TENM2: variants seen among roughly 807,000 people sequenced by gnomAD.
The protein encoded by TENM2 is teneurin-2.
In TENM2, 52 loss-of-function variants were observed where a neutral mutation model predicts 245.2. The observed-to-expected ratio is 0.21, with a 90% CI of 0.17 to 0.27. The LOEUF (loss-of-function observed/expected upper bound fraction) is 0.27. Among genes scored for constraint, TENM2 ranks in the 10% least tolerant of loss-of-function variants. TENM2 has a pLI of 1.00. For synonymous variants in TENM2, 1,363 were observed against 1,438.9 expected, an observed-to-expected ratio of 0.95 and a Z score of 1.19; for missense variants, 3,046 against 3,666.8, an observed-to-expected ratio of 0.83 and a Z score of 4.37.
chr5:167,230,709 C>A, the TENM2 span, among the ~76,000 whole-genome samples: 2 of 151,930 alleles, frequency 1.3e-5, no homozygotes, highest in African/African-American at 2.4e-5. Flanking sequence ...AATGTTGATA[C>A]AAAGCCAGGA....
intron 2 of TENM2, among the ~76,000 whole-genome samples, chr5:167,429,719 G>C (rs1031975425): frequency 4.1e-4 from 61 of 148,932 alleles, no homozygotes; most frequent in African/African-American, 1.4e-3. Flanking sequence ...CGATTCTCCT[G>C]CCTCAGCCTC....
intron 2 of TENM2, among the ~76,000 whole-genome samples, chr5:167,830,531 C>T (rs1006766429): frequency 6.6e-6 from 1 of 152,130 alleles, no homozygotes; most frequent in African/African-American, 2.4e-5. Flanking sequence ...TGAAGTGAAT[C>T]AGAGACAGCC....
chr5:167,223,570 G>C, the TENM2 span, among the ~76,000 whole-genome samples: 20 of 151,870 alleles, frequency 1.3e-4, no homozygotes, highest in Non-Finnish European at 1.8e-4. Flanking sequence ...TATGTGCCAG[G>C]TTTTCTTTAC....
In TENM2 at chr5:167,358,028, T is replaced by A. The variant is rs114225552; in HGVS notation, c.227-17170T>A. Among the ~76,000 whole-genome samples, 634 of 152,368 alleles carry A rather than the reference T, an allele frequency of 4.2e-3. 3 individuals carry two copies. The highest frequency in any genetic ancestry group is 0.014 in the African/African-American group (565 of 41,596). On this transcript the variant is annotated intron_variant, in intron 1 of 28. Transcript: ENST00000518659. The stretch of plus-strand genomic sequence containing the variant: ...ACGGTCCCACTGGTCTATTAGAGGT[T>A]GCTCCAGGAATTCTACCTGCCTGTC...
intron 1 of TENM2, among the ~76,000 whole-genome samples, chr5:167,350,699 T>TATATGGATATATATATGGGATATATAC (rs1758806703): frequency 1.4e-5 from 2 of 141,522 alleles, no homozygotes; most frequent in African/African-American, 5.5e-5. Flanking sequence ...ATGGGATACA[T>TATATGGATATATATATGGGATATATAC]ATATGGATAT....
intron 2 of TENM2, among the ~76,000 whole-genome samples, chr5:167,606,434 C>T (rs1163921017): frequency 2.0e-5 from 3 of 152,054 alleles, no homozygotes; most frequent in African/African-American, 7.2e-5. Flanking sequence ...GAAGAGGCAA[C>T]TCTTTCTGGT....
At chr5:167,284,616 T>C (rs1251631265), upstream of TENM2, among the ~76,000 whole-genome samples, 8 of 152,230 alleles carry the variant, frequency 5.3e-5, no homozygotes, top group East Asian at 1.5e-3. Context: ...GCTGATTGTT[T>C]AGTTAACATT....
chr5:167,291,934 G>T (rs771743895), intron 1 of TENM2, among the ~76,000 whole-genome samples: 2 of 152,130 alleles, frequency 1.3e-5, no homozygotes, highest in Non-Finnish European at 2.9e-5. Flanking sequence ...GAGGTTTAAT[G>T]GACTTACAGT....
chr5:167,800,552 A>T (rs1412374720), intron 2 of TENM2, among the ~76,000 whole-genome samples: 2 of 152,174 alleles, frequency 1.3e-5, no homozygotes, highest in Non-Finnish European at 2.9e-5. Context: ...TCAGCAGTTA[A>T]CAAGCAGAGC....
chr5:167,833,874 C>A, intron 2 of TENM2, among the ~76,000 whole-genome samples: 1 of 152,334 alleles, frequency 6.6e-6, no homozygotes, highest in South Asian at 2.1e-4. Context: ...GACCTCATTG[C>A]TCTCATTTCC....
At chr5:167,339,080 AC>A (rs1757946535) in intron 1 of TENM2, among the ~76,000 whole-genome samples, 1 of 152,204 alleles carries the variant, frequency 6.6e-6, no homozygotes, top group South Asian at 2.1e-4. Context: ...CATAAAAAAT[AC>A]ATTCATTGTA....
chr5:167,598,756 T>C (rs1299844144), intron 2 of TENM2, among the ~76,000 whole-genome samples: 1 of 152,168 alleles, frequency 6.6e-6, no homozygotes, highest in Admixed American at 6.5e-5. Context: ...TTTTGTTTTT[T>C]TTTTAATGTC....
chr5:167,368,432 T>C (rs886705960), intron 1 of TENM2, among the ~76,000 whole-genome samples: 9 of 152,164 alleles, frequency 5.9e-5, no homozygotes, highest in African/African-American at 1.9e-4. Context: ...TCATTTTTTT[T>C]CCAAAAAATA....
chr5:167,160,282 G>T, the TENM2 span, among the ~76,000 whole-genome samples: 1 of 152,204 alleles, frequency 6.6e-6, no homozygotes. Context: ...TTAAAGTCCA[G>T]ACTCCTTTGC....
At chr5:167,151,900 A>G in the TENM2 span, among the ~76,000 whole-genome samples, 1 of 151,792 alleles carries the variant, frequency 6.6e-6, no homozygotes, top group African/African-American at 2.4e-5. Flanking sequence ...ATCCCTGTTG[A>G]CTCTCTTCAC....
intron 27 of TENM2, among the ~76,000 whole-genome samples, chr5:168,251,724 G>A (rs1241879651): frequency 6.6e-6 from 1 of 152,236 alleles, no homozygotes; most frequent in Non-Finnish European, 1.5e-5. Flanking sequence ...GTAGTCGGGA[G>A]GAACACAAAG....
the TENM2 span, among the ~76,000 whole-genome samples, chr5:167,145,206 A>C: frequency 6.6e-6 from 1 of 152,190 alleles, no homozygotes; most frequent in African/African-American, 2.4e-5. Context: ...ACGTAGTCGC[A>C]GTCTTGGGGA....
At chr5:167,518,836 T>C (rs932129880) in intron 2 of TENM2, among the ~76,000 whole-genome samples, 2 of 152,134 alleles carry the variant, frequency 1.3e-5, no homozygotes, top group East Asian at 3.8e-4. Context: ...CTGGGGCCAG[T>C]GGCAGGATCT....
intron 6 of TENM2, among the ~76,000 whole-genome samples, chr5:168,057,440 T>C (rs937355812): frequency 6.6e-6 from 1 of 152,098 alleles, no homozygotes; most frequent in African/African-American, 2.4e-5. Context: ...TATCTTTGGG[T>C]CTGAGACACT....
Sources: allele counts gnomAD v4.1 joint callset (sites outside exome capture counted in the v4.1 genomes callset), GRCh38; gene constraint gnomAD v4.1.1; transcripts MANE v1.5; gene names NCBI Gene and HGNC (gene_info 2026-07-23, HGNC 2026-07-21).